The following UBR4 variants were observed in gnomAD, a reference collection of about 807,000 sequenced individuals.
The protein encoded by UBR4 is ubiquitin protein ligase E3 component n-recognin 4.
A neutral mutation model predicts 575.6 loss-of-function variants in UBR4; 124 were observed. The observed-to-expected ratio is 0.22, with a 90% confidence interval of 0.19 to 0.25. UBR4 has a LOEUF of 0.25. Ranked by LOEUF, UBR4 falls within the 10% of genes least tolerant of loss-of-function variation. UBR4 has a pLI of 1.00. For missense variants in UBR4, 4,818 were observed against 6,478.8 expected (o/e 0.74, Z 8.80); for synonymous variants, 2,455 against 2,473.7 (o/e 0.99, Z 0.22).
At position 19,197,224 on chromosome 1, in the gene UBR4, G is replaced by C. The variant is rs1228166617; in HGVS notation, c.935C>G (p.Thr312Ser). The change falls in exon 8 of 106, where the codon ACC (threonine) becomes AGC (serine). Residue 312 changes from threonine to serine, a missense_variant. Thr to Ser is a moderately conservative substitution (Grantham distance 58, BLOSUM62 1). Transcript: ENST00000375254. ...LVIDVTMALD[T>S]LSLPVLEPLN... is the part of the protein sequence containing the mutation. Reference sequence around the variant, plus strand: ...AGGTTCCAACACAGGTAGAGAAAGGGTATCCAATGCCATAGTTACATCAAT... The same window carrying C: ...AGGTTCCAACACAGGTAGAGAAAGGCTATCCAATGCCATAGTTACATCAAT... 6.2e-7 allele frequency: 1 copy of C among 1,614,040 alleles called. No homozygotes were observed.
chr1:19,124,798 G>A (rs567019428), intron 64 of UBR4, 108 bp from the exon 65 acceptor site: 15 of 1,436,060 alleles, frequency 1.0e-5, no homozygotes, highest in African/African-American at 2.9e-5. Flanking sequence ...GGTGGTAAAG[G>A]GTGCCTTTCA....
Position 19,144,800 on chromosome 1 carries a change from T to A in UBR4, c.8053A>T (p.Met2685Leu), listed in dbSNP as rs1181485168. The A allele has an allele frequency of 6.2e-7, 1 of 1,614,196 alleles. No individual in the cohort carries two copies. Among genetic ancestry groups the A allele is most frequent in the African/African-American group, 1.3e-5 (1 of 75,078 alleles). Residue 2685 changes from methionine to leucine, a missense_variant, in exon 54 of 106, where the codon ATG (methionine) becomes TTG (leucine). Met to Leu is a conservative substitution (Grantham distance 15). This residue lies in a region of UBR4 where 340 missense variants were observed against 375.4 expected (regional missense o/e 0.91). Transcript: ENST00000375254. The stretch of plus-strand genomic sequence containing the variant: ...ATGCTACGTACAGGACACAAGAGCA[T>A]CTGCATGTAGATCTTGGATGCTGTG... ...INTASKIYMQMLLCPDPAVSF... is the reference protein window; with the variant it reads ...INTASKIYMQLLLCPDPAVSF...
chr1:19,178,747 C>G (rs1031412117), intron 18 of UBR4, among the ~76,000 whole-genome samples: 1 of 152,208 alleles, frequency 6.6e-6, no homozygotes, highest in Non-Finnish European at 1.5e-5. Flanking sequence ...AAGGACAGAG[C>G]TGGCTTCCCT....
In UBR4 at chr1:19,100,523, T is replaced by C. The variant is rs1391399677; in HGVS notation, c.13074A>G (p.Gln4358=). Residue 4358 remains glutamine (Q), a synonymous_variant, in exon 89 of 106, where the codon CAA becomes CAG. Coordinates refer to ENST00000375254, the MANE Select transcript of UBR4 (RefSeq NM_020765.3). The surrounding 1 kb of genome is among the most constrained non-coding windows in gnomAD (Gnocchi z 4.2). ...EFFVTLEKDP[Q]QEDFLQGRMP... ...TCCTGCCCTGTAAGAAGTCTTCTTG[T>C]TGGGGATCCTTCTCCAGGGTCACAA... 2.5e-6 allele frequency: 4 copies of C among 1,614,084 alleles called. No individual in the cohort carries two copies. Among genetic ancestry groups the C allele is most frequent in the African/African-American group, 1.3e-5 (1 of 75,026 alleles).
chr1:19,167,207 T>C lies in UBR4; in HGVS notation c.3924A>G (p.Pro1308=). 6.2e-7 allele frequency: 1 copy of C among 1,614,222 alleles called. No homozygotes were observed. The highest frequency in any genetic ancestry group is 8.5e-7 in the Non-Finnish European group (1 of 1,180,032). The change falls in exon 29 of 106, where the codon CCA becomes CCG. Residue 1308 remains proline, a synonymous_variant. Coordinates refer to ENST00000375254, the MANE Select transcript of UBR4 (RefSeq NM_020765.3). ...LIVWSDEMNP[P]QVIRTLLPLL... ...GAGGTAGCAGTGTCCGAATTACCTG[T>C]GGTGGGTTCATCTCATCTGACCAAC... is the stretch of plus-strand genomic sequence containing the variant.
chr1:19,142,415 C>T (rs938324819), intron 55 of UBR4, among the ~76,000 whole-genome samples: 1 of 152,158 alleles, frequency 6.6e-6, no homozygotes. Context: ...ACCTTCCACT[C>T]GATGGATTGC....
At chr1:19,126,317 C>CCA (rs1474745367) in intron 64 of UBR4, 129 bp downstream of exon 64, 2 of 1,071,040 alleles carry the variant, frequency 1.9e-6, no homozygotes, top group Non-Finnish European at 2.8e-6. Context: ...AGATTAACCC[C>CCA]CACCAAGGAA....
intron 25 of UBR4, among the ~76,000 whole-genome samples, chr1:19,172,414 G>A (rs563343779): frequency 6.6e-6 from 1 of 152,184 alleles, no homozygotes; most frequent in Non-Finnish European, 1.5e-5. Context: ...CTACTCAGGA[G>A]GCTGAGGCAG....
At position 19,183,997 on chromosome 1, in the gene UBR4, A is replaced by G. The variant is rs2091281134; in HGVS notation, c.2098+19T>C. 3.1e-6 allele frequency: 5 copies of G among 1,614,118 alleles called. No individual in the cohort carries two copies. Among genetic ancestry groups the G allele is most frequent in the Non-Finnish European group, 3.4e-6 (4 of 1,179,978 alleles). ...CCATGAGAAAAAAAATCCATCAGGCACATATCTTGTCTACTGACCCTTGAG... is the reference window on the plus strand; with the variant it reads ...CCATGAGAAAAAAAATCCATCAGGCGCATATCTTGTCTACTGACCCTTGAG... On this transcript the variant is annotated intron_variant, in intron 16 of 105. Transcript: ENST00000375254.
chr1:19,089,073 C>A lies in UBR4; in HGVS notation c.14212-96G>T. On this transcript the variant is annotated intron_variant, in intron 97 of 105. Coordinates refer to ENST00000375254, the MANE Select transcript of UBR4 (RefSeq NM_020765.3). The surrounding 1 kb of genome is among the most constrained non-coding windows in gnomAD (Gnocchi z 4.3). ...GGTTTAGAAACTCAACCAGCATGCA[C>A]CATCTCATGTCACCTGCTCAGCTGC... 1.6e-6 allele frequency: 2 copies of A among 1,221,066 alleles called. No individual in the cohort carries two copies. The highest frequency in any genetic ancestry group is 2.3e-6 in the Non-Finnish European group (2 of 862,012). The allele number at this position is 1,221,066 out of a possible 1,614,324, so 75.6% of individuals were successfully genotyped here.
intron 102 of UBR4, chr1:19,081,939 G>T: frequency 1.7e-6 from 1 of 597,646 alleles, no homozygotes; most frequent in East Asian, 2.8e-5. Context: ...AAAGTGAAGT[G>T]ACTTGCCCAA....
chr1:19,143,296 AAGAAAGAAAGAAAGAAAG>A (rs2084335577), intron 55 of UBR4, among the ~76,000 whole-genome samples: 1 of 106,922 alleles, frequency 9.4e-6, no homozygotes, highest in African/African-American at 3.9e-5. Flanking sequence ...GAAAGAAAGA[AAGAAAGAAAGAAAGAAAG>A]AAAGAAAATT....
intron 1 of UBR4, 106 bp downstream of exon 1, chr1:19,209,967 G>T (rs927431396): frequency 1.5e-6 from 2 of 1,343,510 alleles, no homozygotes; most frequent in African/African-American, 1.5e-5. Context: ...CTGTGGCGGG[G>T]ATCCTCAAGG....
intron 61 of UBR4, 100 bp downstream of exon 61, chr1:19,128,878 A>G (rs1188447401): frequency 1.9e-6 from 2 of 1,039,292 alleles, no homozygotes; most frequent in South Asian, 1.3e-5. Flanking sequence ...GTGGCCTAAC[A>G]CCAAACGAAG....
At chr1:19,113,461 C>T in intron 77 of UBR4, 1 of 581,542 alleles carries the variant, frequency 1.7e-6, no homozygotes. Context: ...ATCTGTGTTA[C>T]CTTCCCATCA....
intron 91 of UBR4, 44 bp downstream of exon 91, chr1:19,097,149 A>C: frequency 6.4e-7 from 1 of 1,550,642 alleles, no homozygotes; most frequent in South Asian, 1.2e-5. Flanking sequence ...TGAGCCGCTC[A>C]TGAGTCCCAA....
At chr1:19,078,103 C>G (rs1375828858) in intron 103 of UBR4, 37 bp from the exon 104 acceptor site, 2 of 1,601,122 alleles carry the variant, frequency 1.2e-6, no homozygotes, top group Admixed American at 3.4e-5. Context: ...CATGAAGTCC[C>G]TAGGAGGATA....
Position 19,168,173 on chromosome 1 carries a change from A to G in UBR4, c.3753T>C (p.Phe1251=). 6.3e-7 allele frequency: 1 copy of G among 1,589,556 alleles called. No homozygotes were observed. Among genetic ancestry groups the G allele is most frequent in the Non-Finnish European group, 8.6e-7 (1 of 1,162,274 alleles). Residue 1251 remains phenylalanine, a synonymous_variant, in exon 28 of 106, where the codon TTT becomes TTC. Coordinates refer to ENST00000375254, the MANE Select transcript of UBR4 (RefSeq NM_020765.3). ...FPNIGSWRNA[F]ANDTIPSESY... ...TCTCTGAAGGGATGGTGTCATTGGC[A>G]AAGGCATTGCGCTGAAAGGAAGCAA...
intron 47 of UBR4, 31 bp from the exon 48 acceptor site, chr1:19,151,890 C>T: frequency 1.3e-6 from 2 of 1,528,702 alleles, no homozygotes; most frequent in Non-Finnish European, 1.8e-6. Context: ...CATCAAGAAA[C>T]TACAGAAGTT....
Sources: gnomAD v4.1 joint callset for allele counts (sites outside exome capture counted in the v4.1 genomes callset) on GRCh38, gnomAD v4.1.1 for gene constraint, gnomAD v4.1.1 regional missense constraint, Gnocchi (gnomAD v3.1) non-coding constraint, MANE v1.5 for transcripts, NCBI Gene and HGNC (gene_info 2026-07-23, HGNC 2026-07-21) for gene names.